ASAP1: variants seen among roughly 807,000 people sequenced by gnomAD.
ASAP1 encodes arf-GAP with SH3 domain, ANK repeat and PH domain-containing protein 1.
ASAP1 carries 43 observed loss-of-function variants against 145.2 expected under a neutral mutation model. The ratio of observed to expected loss-of-function variants is 0.30; its 90% CI spans 0.23 to 0.38. The LOEUF (loss-of-function observed/expected upper bound fraction) is 0.38. ASAP1 is among the 10% of genes least tolerant of loss of function. The pLI is 1.00. For synonymous variants in ASAP1, 546 were observed against 515.5 expected (o/e 1.06, Z -0.80); for missense variants, 1,018 against 1,355.3 (o/e 0.75, Z 3.91).
At chr8:130,359,043 C>T (rs1400041217) in intron 2 of ASAP1, among the ~76,000 whole-genome samples, 3 of 152,162 alleles carry the variant, frequency 2.0e-5, no homozygotes, top group Non-Finnish European at 2.9e-5. Flanking sequence ...GGCGGCCTCC[C>T]GGGGCCCGGG....
Position 130,137,058 on chromosome 8 carries a change from G to A in ASAP1, c.1081-20C>T. The A allele has an allele frequency of 6.2e-7, 1 of 1,605,300 alleles. No homozygotes were observed. The highest frequency in any genetic ancestry group is 8.5e-7 in the Non-Finnish European group (1 of 1,171,840). On this transcript the variant is annotated intron_variant, in intron 13 of 29. Transcript: ENST00000518721. ...GTTAGACTGGAAAAAAAGAGAAAATGGAGAAGTTACATGCAGCTCCACTCT... is the reference window on the plus strand; with the variant it reads ...GTTAGACTGGAAAAAAAGAGAAAATAGAGAAGTTACATGCAGCTCCACTCT...
intron 2 of ASAP1, among the ~76,000 whole-genome samples, chr8:130,373,713 T>C (rs1346688234): frequency 6.6e-6 from 1 of 151,814 alleles, no homozygotes; most frequent in African/African-American, 2.4e-5. Context: ...CCAGGCATGG[T>C]GGCATGCACC....
At chr8:130,435,088 T>G (rs1397629281) in intron 1 of ASAP1, among the ~76,000 whole-genome samples, 1 of 152,144 alleles carries the variant, frequency 6.6e-6, no homozygotes, top group Non-Finnish European at 1.5e-5. Flanking sequence ...CCGAGGCTCC[T>G]ACACTTCCAT....
chr8:130,257,024 A>T (rs1179486459), intron 3 of ASAP1, among the ~76,000 whole-genome samples: 1 of 151,788 alleles, frequency 6.6e-6, no homozygotes, highest in Non-Finnish European at 1.5e-5. Flanking sequence ...TTCCCACACT[A>T]TATCAATGTA....
intron 18 of ASAP1, among the ~76,000 whole-genome samples, chr8:130,122,034 AC>A (rs1207551427): frequency 6.6e-6 from 1 of 151,886 alleles, no homozygotes; most frequent in African/African-American, 2.4e-5. Flanking sequence ...CCCTTGGGGC[AC>A]CCATATGACC....
chr8:130,267,040 C>CA (rs530166828), intron 3 of ASAP1, among the ~76,000 whole-genome samples: 3 of 145,496 alleles, frequency 2.1e-5, no homozygotes, highest in African/African-American at 5.0e-5. Flanking sequence ...CCCACCCCCT[C>CA]AAAAAAAAAG....
intron 24 of ASAP1, among the ~76,000 whole-genome samples, chr8:130,106,751 C>T (rs913396877): frequency 6.6e-6 from 1 of 152,230 alleles, no homozygotes; most frequent in Admixed American, 6.5e-5. Flanking sequence ...AGGAGTTCTG[C>T]TCCTAACTGG....
At chr8:130,126,473 A>G (rs2097575149) in intron 16 of ASAP1, among the ~76,000 whole-genome samples, 1 of 152,152 alleles carries the variant, frequency 6.6e-6, no homozygotes, top group South Asian at 2.1e-4. Flanking sequence ...CCAAGTTGCA[A>G]CTAACATTAA....
intron 5 of ASAP1, among the ~76,000 whole-genome samples, chr8:130,196,027 A>G (rs905082814): frequency 6.6e-6 from 1 of 152,244 alleles, no homozygotes; most frequent in Non-Finnish European, 1.5e-5. Flanking sequence ...CTAACTGATC[A>G]GATCCCAAAG....
chr8:130,347,624 G>A (rs1006389733), intron 3 of ASAP1, among the ~76,000 whole-genome samples: 2 of 152,154 alleles, frequency 1.3e-5, no homozygotes, highest in Admixed American at 6.5e-5. Flanking sequence ...GGCTGAAGAC[G>A]AAGACTTAGC....
At chr8:130,309,585 C>T (rs1823207209) in intron 3 of ASAP1, among the ~76,000 whole-genome samples, 1 of 152,158 alleles carries the variant, frequency 6.6e-6, no homozygotes, top group African/African-American at 2.4e-5. Flanking sequence ...GTGGGCTGCA[C>T]CACCACATGC....
intron 2 of ASAP1, among the ~76,000 whole-genome samples, chr8:130,363,797 G>A (rs1243302494): frequency 6.6e-6 from 1 of 152,126 alleles, no homozygotes; most frequent in African/African-American, 2.4e-5. Context: ...GGGCTACTTT[G>A]TTAGATACAG....
At chr8:130,176,463 G>A (rs1021737960) in intron 9 of ASAP1, among the ~76,000 whole-genome samples, 1 of 152,062 alleles carries the variant, frequency 6.6e-6, no homozygotes, top group African/African-American at 2.4e-5. Context: ...CTTATAACAT[G>A]GTTCTACTAC....
At chr8:130,232,515 GA>G (rs1226482735) in intron 4 of ASAP1, among the ~76,000 whole-genome samples, 2 of 152,010 alleles carry the variant, frequency 1.3e-5, no homozygotes, top group African/African-American at 2.4e-5. Context: ...TCACAGAATT[GA>G]GTTTTGTGTT....
At chr8:130,176,603 T>C (rs904020698) in intron 9 of ASAP1, among the ~76,000 whole-genome samples, 3 of 151,962 alleles carry the variant, frequency 2.0e-5, no homozygotes, top group African/African-American at 7.3e-5. Context: ...CTAGCTATCC[T>C]CCAAGTTCAA....
chr8:130,137,132 G>T lies in ASAP1; in HGVS notation c.1081-94C>A, dbSNP rs909245519. On this transcript the variant is annotated intron_variant, in intron 13 of 29. Coordinates refer to ENST00000518721, the MANE Select transcript of ASAP1 (RefSeq NM_018482.4). ...GTAGGGCAGGTATGCTGTTCATAAG[G>T]CCTGCTCAGTGGTACAAAAATACAT... is the stretch of plus-strand genomic sequence containing the variant. The T allele has an allele frequency of 4.0e-6, 4 of 992,854 alleles. No individual in the cohort carries two copies. The African/African-American group carries it at 4.8e-5, about 12-fold the overall frequency. 61.5% of individuals were successfully genotyped at this position (992,854 alleles called of 1,614,324 possible).
intron 25 of ASAP1, among the ~76,000 whole-genome samples, chr8:130,090,181 A>G (rs1379416535): frequency 3.3e-5 from 5 of 152,246 alleles, no homozygotes; most frequent in Non-Finnish European, 7.3e-5. Context: ...ATGATTTTCA[A>G]GCCAGAAAGC....
intron 1 of ASAP1, among the ~76,000 whole-genome samples, chr8:130,420,893 C>CA (rs76745841): frequency 0.032 from 3,073 of 94,890 alleles, 87 homozygotes; most frequent in African/African-American, 0.095. Flanking sequence ...AACTCCAACT[C>CA]AAAAAAAAAA....
chr8:130,059,924 T>A (rs11995727), intron 28 of ASAP1, among the ~76,000 whole-genome samples: 4 of 149,912 alleles, frequency 2.7e-5, no homozygotes, highest in African/African-American at 7.4e-5. Flanking sequence ...CCAAAAATAT[T>A]AAAAAAAAGC....
Sources: allele counts gnomAD v4.1 joint callset (sites outside exome capture counted in the v4.1 genomes callset), GRCh38; gene constraint gnomAD v4.1.1; transcripts MANE v1.5; gene names NCBI Gene and HGNC (gene_info 2026-07-23, HGNC 2026-07-21).